Variants in TSC22D1 observed in about 807,000 individuals in gnomAD.
TSC22D1 encodes TSC22 domain family protein 1.
A neutral mutation model predicts 74.2 loss-of-function variants in TSC22D1; 9 were observed. The ratio of observed to expected loss-of-function variants is 0.12; its 90% CI spans 0.07 to 0.21. The LOEUF is 0.21. Among genes scored for constraint, TSC22D1 ranks in the 10% least tolerant of loss-of-function variants. The probability of loss-of-function intolerance (pLI) is 1.00; values close to 1 mark genes in which losing one functional copy is unlikely to be tolerated. For synonymous variants in TSC22D1, 586 were observed against 492.5 expected, an observed-to-expected ratio of 1.19 and a Z score of -2.51; for missense variants, 1,427 against 1,304.7, an observed-to-expected ratio of 1.09 and a Z score of -1.44.
At position 44,576,049 on chromosome 13, in the gene TSC22D1, G is replaced by A; in HGVS notation, c.26C>T (p.Ala9Val). ...AATGTCTGCAGCGGCGGCGGCCGCG[G>A]CGGTGGACTCAGGCGGCTGGTGCAT... Reference protein sequence around the residue: MHQPPESTAAAAAAADISA... With the variant: MHQPPESTVAAAAAADISA... Residue 9 changes from alanine to valine, a missense_variant, in exon 1 of 3, where the codon GCC becomes GTC. By Grantham distance (64) the Ala-to-Val change is moderately conservative. Coordinates refer to ENST00000458659, the MANE Select transcript of TSC22D1 (RefSeq NM_183422.4). The A allele has an allele frequency of 3.2e-6, 5 of 1,569,518 alleles. No homozygotes were observed. Among genetic ancestry groups the A allele is most frequent in the Non-Finnish European group, 4.3e-6 (5 of 1,159,874 alleles).
chr13:44,501,540 C>G (rs1485807101), intron 1 of TSC22D1, among the ~76,000 whole-genome samples: 4 of 151,058 alleles, frequency 2.6e-5, no homozygotes, highest in Non-Finnish European at 4.4e-5. Context: ...CCTAAGGGCA[C>G]ACTTGGTCCC....
At chr13:44,506,382 A>T (rs1879449192) in intron 1 of TSC22D1, among the ~76,000 whole-genome samples, 1 of 152,184 alleles carries the variant, frequency 6.6e-6, no homozygotes, top group South Asian at 2.1e-4. Context: ...TAATGCAGGA[A>T]CAGAAAACCA....
intron 1 of TSC22D1, among the ~76,000 whole-genome samples, chr13:44,550,135 A>T (rs923896312): frequency 1.3e-5 from 2 of 152,208 alleles, no homozygotes; most frequent in Admixed American, 6.5e-5. Flanking sequence ...TAACAATTTT[A>T]AAAATATGCT....
At chr13:44,480,032 A>T (rs935998417) in intron 1 of TSC22D1, among the ~76,000 whole-genome samples, 2 of 152,230 alleles carry the variant, frequency 1.3e-5, no homozygotes, top group African/African-American at 4.8e-5. Flanking sequence ...GAGAGCATTC[A>T]ATGAATAAAT....
At chr13:44,545,438 C>T (rs2138117586) in intron 1 of TSC22D1, among the ~76,000 whole-genome samples, 1 of 152,220 alleles carries the variant, frequency 6.6e-6, no homozygotes, top group African/African-American at 2.4e-5. Flanking sequence ...AAGAAGATCT[C>T]TAAATTGCTC....
intron 1 of TSC22D1, among the ~76,000 whole-genome samples, chr13:44,535,382 T>G (rs1178678816): frequency 6.6e-6 from 1 of 152,078 alleles, no homozygotes; most frequent in Non-Finnish European, 1.5e-5. Context: ...GTGCTGAATT[T>G]TGAAACAAGT....
chr13:44,487,703 T>C (rs1566135871), intron 1 of TSC22D1, among the ~76,000 whole-genome samples: 1 of 147,392 alleles, frequency 6.8e-6, no homozygotes, highest in Non-Finnish European at 1.5e-5. Context: ...TTCAAGAGGT[T>C]AAAAAAAAAA....
intron 1 of TSC22D1, among the ~76,000 whole-genome samples, chr13:44,504,541 T>C (rs929519047): frequency 6.7e-6 from 1 of 149,188 alleles, no homozygotes; most frequent in African/African-American, 2.5e-5. Context: ...GAGGTGGAGG[T>C]TGCAGTGAGC....
chr13:44,437,754 T>C (rs1185163690), intron 1 of TSC22D1, among the ~76,000 whole-genome samples: 1 of 152,222 alleles, frequency 6.6e-6, no homozygotes, highest in African/African-American at 2.4e-5. Flanking sequence ...CTCAATCCTA[T>C]GAGCCTTCTT....
chr13:44,456,939 G>A (rs1335035777), intron 1 of TSC22D1, among the ~76,000 whole-genome samples: 3 of 152,216 alleles, frequency 2.0e-5, no homozygotes, highest in Admixed American at 6.5e-5. Context: ...ATATGGACAG[G>A]AGAAAAGTGT....
intron 1 of TSC22D1, among the ~76,000 whole-genome samples, chr13:44,477,233 G>A (rs548934318): frequency 1.2e-4 from 18 of 152,142 alleles, no homozygotes; most frequent in East Asian, 7.7e-4. Flanking sequence ...GACTGCAGGC[G>A]TGAGCCACCA....
chr13:44,447,324 A>G (rs1245542343), intron 1 of TSC22D1, among the ~76,000 whole-genome samples: 1 of 152,172 alleles, frequency 6.6e-6, no homozygotes, highest in Admixed American at 6.5e-5. Context: ...AAACTAAAAG[A>G]AAAAAGGGAA....
At chr13:44,435,155 G>A (rs1260902080) in intron 2 of TSC22D1, 1 of 349,238 alleles carries the variant, frequency 2.9e-6, no homozygotes, top group Admixed American at 4.8e-5. Flanking sequence ...CTGGGCCAGA[G>A]CCGGGCGCTG....
chr13:44,496,717 T>C (rs1172805569), intron 1 of TSC22D1, among the ~76,000 whole-genome samples: 1 of 151,222 alleles, frequency 6.6e-6, no homozygotes, highest in Non-Finnish European at 1.5e-5. Context: ...AAAAATAAAT[T>C]AGTGGGGCAT....
At chr13:44,447,644 A>C (rs1423523378) in intron 1 of TSC22D1, among the ~76,000 whole-genome samples, 1 of 152,024 alleles carries the variant, frequency 6.6e-6, no homozygotes, top group Non-Finnish European at 1.5e-5. Context: ...CCTATATATA[A>C]CACATGTATT....
rs1239720757 is a variant in TSC22D1 at position 44,525,492 on chromosome 13, G to A, written c.2912+47671C>T. On this transcript the variant is annotated intron_variant, in intron 1 of 2. Coordinates refer to ENST00000458659, the MANE Select transcript of TSC22D1 (RefSeq NM_183422.4). ...TAGTACCATCTTCTCAAGAGCCTGA[G>A]GCAGGAGGATCCCTTGAACCCAGGA... 2.6e-5 allele frequency among the ~76,000 whole-genome samples: 4 copies of A among 152,300 alleles called. No homozygotes were observed. In the East Asian group the frequency reaches 7.7e-4, roughly 29 times the overall value.
rs1884244748 is a variant in TSC22D1, at chr13:44,576,309, T to G, written c.-235A>C. 1.8e-6 allele frequency: 1 copy of G among 557,200 alleles called. No individual in the cohort carries two copies. Among genetic ancestry groups the G allele is most frequent in the South Asian group, 2.6e-5 (1 of 38,998 alleles). 34.5% of individuals were successfully genotyped at this position (557,200 alleles called of 1,614,324 possible). ...CCGGGGACCCGAAGGGGGGATCCCT[T>G]CAGTCCTTCGCCATTCACTTTCCCC... On this transcript the variant is annotated 5_prime_UTR_variant, in exon 1 of 3. The change abolishes the stop of an existing upstream ORF in the 5' untranslated region. Coordinates refer to ENST00000458659, the MANE Select transcript of TSC22D1 (RefSeq NM_183422.4).
chr13:44,574,414 A>C lies in TSC22D1; in HGVS notation c.1661T>G (p.Leu554Arg). Residue 554 changes from leucine (L) to arginine (R), a missense_variant, in exon 1 of 3, where the codon CTG (leucine) becomes CGG (arginine). Leu to Arg is a moderately radical substitution (Grantham distance 102). Transcript: ENST00000458659. ...AAGACCTTGCTTTTGCTGATAGCTC[A>C]GTTCTTGAGACTGTAATTGTACTTG... ...ISQVQLQSQE[L>R]SYQQKQGLQP... 1 of 1,614,212 alleles carries C rather than the reference A, an allele frequency of 6.2e-7. No homozygotes were observed. The highest frequency in any genetic ancestry group is 8.5e-7 in the Non-Finnish European group (1 of 1,180,042).
chr13:44,534,569 C>T (rs1228441845), intron 1 of TSC22D1, among the ~76,000 whole-genome samples: 1 of 152,028 alleles, frequency 6.6e-6, no homozygotes, highest in Non-Finnish European at 1.5e-5. Flanking sequence ...TCTAGATATG[C>T]TATTATCCTA....
Sources: gnomAD v4.1 joint callset for allele counts (sites outside exome capture counted in the v4.1 genomes callset) on GRCh38, gnomAD v4.1.1 for gene constraint, MANE v1.5 for transcripts, NCBI Gene and HGNC (gene_info 2026-07-23, HGNC 2026-07-21) for gene names.